Variants in CNBD1 observed in about 807,000 individuals in gnomAD.
CNBD1 encodes the protein cyclic nucleotide-binding domain-containing protein 1.
CNBD1 carries 71 observed loss-of-function variants against 54.4 expected under a neutral mutation model. The ratio of observed to expected loss-of-function variants is 1.30; its 90% CI spans 1.08 to 1.59. The LOEUF is 1.59. Ranked by LOEUF, CNBD1 falls within the 40% of genes most tolerant of loss-of-function variation. The pLI, the probability that CNBD1 is intolerant of heterozygous loss-of-function variation, is 0.00. For missense variants in CNBD1, 659 were observed against 518.0 expected (o/e 1.27, Z -2.64); for synonymous variants, 182 against 170.7 (o/e 1.07, Z -0.51).
intron 10 of CNBD1, among the ~76,000 whole-genome samples, chr8:87,377,407 G>GT (rs1424657258): frequency 3.3e-5 from 5 of 151,292 alleles, no homozygotes; most frequent in East Asian, 2.0e-4. Flanking sequence ...GCGGTGTTTG[G>GT]TTTTTTGTTC....
intron 4 of CNBD1, among the ~76,000 whole-genome samples, chr8:87,167,402 GT>G (rs1812985965): frequency 6.6e-6 from 1 of 151,804 alleles, no homozygotes; most frequent in Admixed American, 6.6e-5. Flanking sequence ...ACAGTAAATT[GT>G]TGTTATGATC....
At chr8:87,342,334 G>A (rs757951349) in intron 8 of CNBD1, among the ~76,000 whole-genome samples, 1 of 151,742 alleles carries the variant, frequency 6.6e-6, no homozygotes, top group South Asian at 2.1e-4. Context: ...GTGTCTCCAT[G>A]GGAGGAGTAA....
At chr8:87,114,649 TGC>T (rs1811734042) in intron 4 of CNBD1, among the ~76,000 whole-genome samples, 1 of 152,124 alleles carries the variant, frequency 6.6e-6, no homozygotes, top group African/African-American at 2.4e-5. Context: ...TGCTCCCAGC[TGC>T]CAATGATTGA....
intron 8 of CNBD1, among the ~76,000 whole-genome samples, chr8:87,289,215 C>T (rs1808745705): frequency 6.6e-6 from 1 of 152,044 alleles, no homozygotes; most frequent in Admixed American, 6.6e-5. Context: ...TATTCAAAAG[C>T]TTGATAGAGT....
chr8:87,230,148 T>C (rs1814643363), intron 5 of CNBD1, among the ~76,000 whole-genome samples: 1 of 152,056 alleles, frequency 6.6e-6, no homozygotes, highest in South Asian at 2.1e-4. Context: ...CACATAGTTT[T>C]AAACAATGGG....
At position 87,126,130 on chromosome 8, in the gene CNBD1, T is replaced by G. The variant is rs985083752; in HGVS notation, c.432-79863T>G. Among the ~76,000 whole-genome samples the G allele has an allele frequency of 1.7e-4, 26 of 152,142 alleles. No homozygotes were observed. In the Middle Eastern group the frequency reaches 0.014, roughly 80 times the overall value. On this transcript the variant is annotated intron_variant, in intron 4 of 10. Coordinates refer to ENST00000518476, the MANE Select transcript of CNBD1 (RefSeq NM_173538.3). ...TCTGGCTATTACACATAAAGTGTTC[T>G]GAACATTCATGAACAAGTCTATTTA...
At position 86,974,378 on chromosome 8, in the gene CNBD1, C is replaced by T. The variant is rs190256705; in HGVS notation, c.431+34624C>T. Among the ~76,000 whole-genome samples, 343 of 152,142 alleles carry T rather than the reference C, an allele frequency of 2.3e-3. 1 individual carries two copies. Among genetic ancestry groups the T allele is most frequent in the African/African-American group, 7.9e-3 (330 of 41,550 alleles). On this transcript the variant is annotated intron_variant, in intron 4 of 10. Coordinates refer to ENST00000518476, the MANE Select transcript of CNBD1 (RefSeq NM_173538.3). The stretch of plus-strand genomic sequence containing the variant: ...GATAAACATTCCCATAGTTATAATT[C>T]ACCCTTATGCCTGTAGTACCACAGA...
intron 6 of CNBD1, 133 bp from the exon 7 acceptor site, chr8:87,284,545 G>A (rs1808655497): frequency 1.6e-6 from 1 of 615,354 alleles, no homozygotes; most frequent in African/African-American, 1.9e-5. Context: ...AGTAGTAGGA[G>A]CCATCCATGC....
intron 2 of CNBD1, among the ~76,000 whole-genome samples, chr8:87,394,308 G>C (rs1811370701): frequency 6.6e-6 from 1 of 151,894 alleles, no homozygotes; most frequent in African/African-American, 2.4e-5. Context: ...GCACAGGTGA[G>C]GGGACTGGGG....
At chr8:86,970,820 G>A (rs910857189) in intron 4 of CNBD1, among the ~76,000 whole-genome samples, 74 of 152,080 alleles carry the variant, frequency 4.9e-4, no homozygotes, top group African/African-American at 1.6e-3. Context: ...GCATTTCATT[G>A]TTTACACATA....
At position 87,124,204 on chromosome 8, in the gene CNBD1, A is replaced by G. The variant is rs920178550; in HGVS notation, c.432-81789A>G. Among the ~76,000 whole-genome samples, 3 of 151,834 alleles carry G rather than the reference A, an allele frequency of 2.0e-5. No individual in the cohort carries two copies. The South Asian group carries it at 6.2e-4, about 31-fold the overall frequency. ...TTTATAGGCAATTATTTCTGATGAA[A>G]TAATGCAACTTATTCTCACCTTGAG... On this transcript the variant is annotated intron_variant, in intron 4 of 10. Coordinates refer to ENST00000518476, the MANE Select transcript of CNBD1 (RefSeq NM_173538.3).
chr8:87,319,855 G>T (rs1009160736), intron 8 of CNBD1, among the ~76,000 whole-genome samples: 1 of 152,008 alleles, frequency 6.6e-6, no homozygotes, highest in African/African-American at 2.4e-5. Context: ...AAGGTAATGT[G>T]TATGAGCCTA....
intron 2 of CNBD1, among the ~76,000 whole-genome samples, chr8:87,424,726 T>C (rs1000001794): frequency 1.3e-5 from 2 of 152,224 alleles, no homozygotes; most frequent in Non-Finnish European, 2.9e-5. Flanking sequence ...GAGGGGAACC[T>C]GACCTTTCTC....
At chr8:86,877,881 A>G (rs1228653074) in intron 1 of CNBD1, among the ~76,000 whole-genome samples, 6 of 151,540 alleles carry the variant, frequency 4.0e-5, no homozygotes, top group Admixed American at 6.6e-5. Context: ...TGTGTTTCCT[A>G]TTTATTTGAA....
intron 4 of CNBD1, among the ~76,000 whole-genome samples, chr8:86,960,133 C>G (rs1325845945): frequency 6.6e-6 from 1 of 152,110 alleles, no homozygotes; most frequent in South Asian, 2.1e-4. Flanking sequence ...CTCACTGGAG[C>G]TTGTCGGATA....
intron 8 of CNBD1, among the ~76,000 whole-genome samples, chr8:87,313,213 A>G (rs1809306712): frequency 6.6e-6 from 1 of 152,052 alleles, no homozygotes; most frequent in African/African-American, 2.4e-5. Flanking sequence ...ATATTTATTT[A>G]TCCATTTGTG....
At chr8:86,963,497 C>G (rs567225528) in intron 4 of CNBD1, among the ~76,000 whole-genome samples, 1 of 152,082 alleles carries the variant, frequency 6.6e-6, no homozygotes, top group Admixed American at 6.6e-5. Flanking sequence ...CCCAGATAGC[C>G]CTTGCCAAAT....
chr8:87,251,550 T>C (rs1807917635), intron 6 of CNBD1, among the ~76,000 whole-genome samples: 1 of 148,886 alleles, frequency 6.7e-6, no homozygotes, highest in African/African-American at 2.5e-5. Flanking sequence ...ATTGCGCCAT[T>C]GCACTCCAGC....
At chr8:87,187,758 G>T (rs1813511690) in intron 4 of CNBD1, among the ~76,000 whole-genome samples, 2 of 152,054 alleles carry the variant, frequency 1.3e-5, no homozygotes, top group African/African-American at 2.4e-5. Context: ...ACCTGATCTG[G>T]AGTTGCTAAT....
Sources: allele counts gnomAD v4.1 joint callset (sites outside exome capture counted in the v4.1 genomes callset), GRCh38; gene constraint gnomAD v4.1.1; transcripts MANE v1.5; gene names NCBI Gene and HGNC (gene_info 2026-07-23, HGNC 2026-07-21).